CTNND2: variants seen among roughly 807,000 people sequenced by gnomAD.
CTNND2 encodes the protein catenin delta 2.
A neutral mutation model predicts 144.4 loss-of-function variants in CTNND2; 22 were observed. The observed-to-expected ratio is 0.15, with a 90% CI of 0.11 to 0.22. CTNND2 has a LOEUF of 0.22. CTNND2 is among the 10% of genes least tolerant of loss of function. The probability of loss-of-function intolerance (pLI) is 1.00; values close to 1 mark genes in which losing one functional copy is unlikely to be tolerated. For missense variants in CTNND2, 1,353 were observed against 1,618.8 expected, an observed-to-expected ratio of 0.84 and a Z score of 2.82; for synonymous variants, 751 against 695.6, an observed-to-expected ratio of 1.08 and a Z score of -1.25.
intron 1 of CTNND2, among the ~76,000 whole-genome samples, chr5:11,752,521 C>T (rs1788679164): frequency 4.0e-5 from 6 of 151,314 alleles, no homozygotes; most frequent in African/African-American, 1.2e-4. Context: ...CTATTCTGTT[C>T]CACTGGTCTA....
intron 2 of CTNND2, among the ~76,000 whole-genome samples, chr5:11,689,377 T>C (rs1267410856): frequency 6.6e-6 from 1 of 152,226 alleles, no homozygotes; most frequent in African/African-American, 2.4e-5. Context: ...ATCTCTCTTC[T>C]CTCCACATAC....
intron 3 of CTNND2, among the ~76,000 whole-genome samples, chr5:11,430,261 A>AG (rs1763165158): frequency 6.7e-6 from 1 of 149,014 alleles, no homozygotes; most frequent in African/African-American, 2.5e-5. Context: ...AAAAAAAAAA[A>AG]AAAAAAAAAG....
At chr5:11,485,345 C>CTG (rs375624492) in intron 3 of CTNND2, among the ~76,000 whole-genome samples, 17,924 of 148,664 alleles carry the variant, frequency 0.12, 1,150 homozygotes, top group African/African-American at 0.18. Context: ...GAGACAGAGA[C>CTG]TGTGTGTGTG....
In CTNND2 at chr5:11,611,074, C is replaced by T. The variant is rs748611438; in HGVS notation, c.175-46018G>A. Among the ~76,000 whole-genome samples the T allele has an allele frequency of 5.3e-5, 8 of 152,236 alleles. No homozygotes were observed. The Middle Eastern group carries it at 0.01, about 194-fold the overall frequency. ...CCTGGTGGGAGGTAATTTAATCATG[C>T]GGACAGTTACCCCTCATGCTATTCT... On this transcript the variant is annotated intron_variant, in intron 2 of 21. Coordinates refer to ENST00000304623, the MANE Select transcript of CTNND2 (RefSeq NM_001332.4).
At chr5:11,628,504 G>A (rs747916934) in intron 2 of CTNND2, among the ~76,000 whole-genome samples, 1 of 152,176 alleles carries the variant, frequency 6.6e-6, no homozygotes, top group African/African-American at 2.4e-5. Flanking sequence ...GACACAACAT[G>A]AGTGTGATCC....
intron 3 of CTNND2, among the ~76,000 whole-genome samples, chr5:11,559,870 A>G (rs986900582): frequency 6.6e-6 from 1 of 152,160 alleles, no homozygotes; most frequent in African/African-American, 2.4e-5. Flanking sequence ...CTGCTAGAGA[A>G]GTTACCTCAG....
At chr5:11,004,105 T>C (rs913199460) in intron 18 of CTNND2, among the ~76,000 whole-genome samples, 3 of 152,218 alleles carry the variant, frequency 2.0e-5, no homozygotes, top group African/African-American at 7.2e-5. Context: ...TAGGAGTTAA[T>C]AGGTACCAAT....
At chr5:11,895,714 A>T (rs1737339316) in intron 1 of CTNND2, among the ~76,000 whole-genome samples, 1 of 152,234 alleles carries the variant, frequency 6.6e-6, no homozygotes, top group African/African-American at 2.4e-5. Context: ...AAGACATGAC[A>T]GAGTGACATA....
intron 10 of CTNND2, among the ~76,000 whole-genome samples, chr5:11,211,956 T>A (rs1738680804): frequency 1.3e-5 from 2 of 152,204 alleles, no homozygotes; most frequent in Admixed American, 6.5e-5. Flanking sequence ...TTTAAAAAAA[T>A]TTAAGTCATC....
intron 2 of CTNND2, among the ~76,000 whole-genome samples, chr5:11,629,540 G>A (rs1023710729): frequency 6.6e-6 from 1 of 152,198 alleles, no homozygotes; most frequent in Non-Finnish European, 1.5e-5. Context: ...AATTGGAGGA[G>A]AGATCACGAC....
chr5:11,349,990 A>G (rs1193301410), intron 8 of CTNND2, among the ~76,000 whole-genome samples: 1 of 152,172 alleles, frequency 6.6e-6, no homozygotes, highest in African/African-American at 2.4e-5. Context: ...ACAAAACATT[A>G]GTCGGGCGTG....
chr5:11,309,916 C>T (rs577781414), intron 9 of CTNND2, among the ~76,000 whole-genome samples: 1 of 152,160 alleles, frequency 6.6e-6, no homozygotes, highest in South Asian at 2.1e-4. Flanking sequence ...CCTTCTTTTC[C>T]TGCCATGTAA....
At chr5:11,472,104 A>G (rs1480498616) in intron 3 of CTNND2, among the ~76,000 whole-genome samples, 2 of 152,178 alleles carry the variant, frequency 1.3e-5, no homozygotes, top group Non-Finnish European at 2.9e-5. Flanking sequence ...TCATCGTGTG[A>G]GCCTTTCATT....
At chr5:11,370,915 T>G (rs1450328149) in intron 7 of CTNND2, among the ~76,000 whole-genome samples, 1 of 152,214 alleles carries the variant, frequency 6.6e-6, no homozygotes, top group African/African-American at 2.4e-5. Flanking sequence ...AAAAGTAAAT[T>G]TCTTATGATA....
intron 2 of CTNND2, among the ~76,000 whole-genome samples, chr5:11,612,131 T>C (rs1456083652): frequency 6.6e-6 from 1 of 152,218 alleles, no homozygotes; most frequent in Non-Finnish European, 1.5e-5. Flanking sequence ...TGTATATATA[T>C]GATCAGGCTG....
At chr5:11,483,816 A>G (rs948245539) in intron 3 of CTNND2, among the ~76,000 whole-genome samples, 1 of 152,228 alleles carries the variant, frequency 6.6e-6, no homozygotes, top group Non-Finnish European at 1.5e-5. Context: ...CCAGGAGTAT[A>G]CTGGAAGATC....
chr5:11,230,543 C>T (rs1475534263), intron 10 of CTNND2, among the ~76,000 whole-genome samples: 1 of 151,862 alleles, frequency 6.6e-6, no homozygotes, highest in African/African-American at 2.4e-5. Flanking sequence ...GTTCAAGGAG[C>T]ACTGCCATCC....
intron 6 of CTNND2, among the ~76,000 whole-genome samples, 158 bp from the exon 7 acceptor site, chr5:11,385,387 G>A (rs1758981064): frequency 1.3e-5 from 2 of 152,098 alleles, no homozygotes; most frequent in Non-Finnish European, 2.9e-5. Context: ...ACGCGAACCT[G>A]CGCCCCGAAC....
chr5:11,068,579 A>G (rs1747870274), intron 16 of CTNND2, among the ~76,000 whole-genome samples: 1 of 152,236 alleles, frequency 6.6e-6, no homozygotes, highest in Non-Finnish European at 1.5e-5. Flanking sequence ...TAAAACCACA[A>G]TATTATGACT....
Sources: allele counts gnomAD v4.1 joint callset (sites outside exome capture counted in the v4.1 genomes callset), GRCh38; gene constraint gnomAD v4.1.1; transcripts MANE v1.5; gene names NCBI Gene and HGNC (gene_info 2026-07-23, HGNC 2026-07-21).